PPP2R3A: variants seen among roughly 807,000 people sequenced by gnomAD.
PPP2R3A encodes the protein protein phosphatase 2 regulatory subunit B''alpha.
Under a neutral mutation model 106.9 loss-of-function variants are expected in PPP2R3A, and 80 were observed. The observed-to-expected ratio is 0.75, with a 90% CI of 0.62 to 0.90. The LOEUF is 0.90. Among genes scored for constraint, PPP2R3A ranks in the 40% least tolerant of loss-of-function variants. PPP2R3A has a pLI of 0.00. For missense variants in PPP2R3A, 1,386 were observed against 1,350.4 expected (o/e 1.03, Z -0.41); for synonymous variants, 483 against 468.3 (o/e 1.03, Z -0.41).
Position 136,049,298 on chromosome 3 carries a change from CT to C in PPP2R3A, c.2407del (p.Cys803ValfsTer3). The C allele has an allele frequency of 6.2e-7, 1 of 1,613,790 alleles. No homozygotes were observed. Among genetic ancestry groups the C allele is most frequent in the East Asian group, 2.2e-5 (1 of 44,860 alleles). ...ATCATGATGATGCCTCTAAATTCATCTGTCTTCTAGCAAAGCCCAACTGCAG... is the reference window on the plus strand; with the variant it reads ...ATCATGATGATGCCTCTAAATTCATCGTCTTCTAGCAAAGCCCAACTGCAG... ...NHHDDASKFI[C>X]LLAKPNCSSL... On this transcript the variant is annotated frameshift_variant, in exon 5 of 14. Transcript: ENST00000264977. LOFTEE classifies it high-confidence loss of function.
At chr3:136,080,604 CAAAGT>C (rs1449581037) in intron 7 of PPP2R3A, among the ~76,000 whole-genome samples, 4 of 152,138 alleles carry the variant, frequency 2.6e-5, no homozygotes, top group African/African-American at 7.2e-5. Context: ...TTTTATAAAA[CAAAGT>C]AATATGAGCA....
intron 13 of PPP2R3A, among the ~76,000 whole-genome samples, chr3:136,135,943 C>T (rs760176585): frequency 1.4e-5 from 2 of 144,176 alleles, no homozygotes; most frequent in Middle Eastern, 3.6e-3. Context: ...GAGGCTGGGG[C>T]GGGAGGATCA....
chr3:136,068,686 A>G (rs1936335544), intron 5 of PPP2R3A, among the ~76,000 whole-genome samples: 1 of 152,202 alleles, frequency 6.6e-6, no homozygotes, highest in African/African-American at 2.4e-5. Context: ...GAATGAGAGA[A>G]CTTTTGAGGA....
intron 13 of PPP2R3A, among the ~76,000 whole-genome samples, chr3:136,140,442 T>TAAAAAAAAAAAAAAA (rs199699500): frequency 4.1e-4 from 36 of 87,232 alleles, no homozygotes; most frequent in African/African-American, 1.7e-3. Flanking sequence ...TGAGACTCTT[T>TAAAAAAAAAAAAAAA]AAAAAAAAAA....
intron 13 of PPP2R3A, among the ~76,000 whole-genome samples, chr3:136,133,700 C>T (rs2108021238): frequency 6.6e-6 from 1 of 151,952 alleles, no homozygotes; most frequent in South Asian, 2.1e-4. Context: ...ATCCACATGT[C>T]CATCAAACTG....
At chr3:136,020,883 AG>A (rs1266105627) in intron 2 of PPP2R3A, among the ~76,000 whole-genome samples, 1 of 152,114 alleles carries the variant, frequency 6.6e-6, no homozygotes, top group Non-Finnish European at 1.5e-5. Flanking sequence ...GACGTTACAT[AG>A]TATTTCACTA....
chr3:136,008,733 T>A (rs1324183538), intron 2 of PPP2R3A, among the ~76,000 whole-genome samples: 1 of 152,126 alleles, frequency 6.6e-6, no homozygotes, highest in African/African-American at 2.4e-5. Flanking sequence ...AAAGTGAATC[T>A]CATATCCAGG....
At chr3:135,993,265 C>G (rs1294872494) in intron 1 of PPP2R3A, among the ~76,000 whole-genome samples, 4 of 152,016 alleles carry the variant, frequency 2.6e-5, no homozygotes, top group Non-Finnish European at 4.4e-5. Flanking sequence ...ATAGACACTT[C>G]ACAAAAGAAG....
intron 13 of PPP2R3A, among the ~76,000 whole-genome samples, chr3:136,143,787 T>C (rs1451019342): frequency 1.3e-5 from 2 of 152,136 alleles, no homozygotes; most frequent in Admixed American, 6.5e-5. Flanking sequence ...CGAGACTCCA[T>C]CTCAAAAGAA....
chr3:135,995,937 T>G (rs1933379539), intron 1 of PPP2R3A, among the ~76,000 whole-genome samples: 1 of 152,208 alleles, frequency 6.6e-6, no homozygotes, highest in East Asian at 1.9e-4. Flanking sequence ...TTCTCTGCCA[T>G]CCAGAGTGTT....
At chr3:136,137,513 A>G (rs1321722484) in intron 13 of PPP2R3A, among the ~76,000 whole-genome samples, 1 of 115,890 alleles carries the variant, frequency 8.6e-6, no homozygotes, top group Non-Finnish European at 1.9e-5. Context: ...TATTAAAAAT[A>G]TATGAATTAC....
At chr3:136,132,071 A>C (rs1199882627) in intron 13 of PPP2R3A, among the ~76,000 whole-genome samples, 1 of 152,040 alleles carries the variant, frequency 6.6e-6, no homozygotes, top group Non-Finnish European at 1.5e-5. Flanking sequence ...GTAAATGATG[A>C]GTTGATGGCT....
intron 13 of PPP2R3A, 125 bp from the exon 14 acceptor site, chr3:136,144,918 C>T (rs568605799): frequency 2.1e-5 from 21 of 1,012,934 alleles, no homozygotes; most frequent in Middle Eastern, 3.3e-4. Flanking sequence ...GAGTTGCTCA[C>T]GGCCTCCATT....
At chr3:136,110,568 G>T (rs369384500) in intron 13 of PPP2R3A, among the ~76,000 whole-genome samples, 18 of 152,282 alleles carry the variant, frequency 1.2e-4, no homozygotes, top group African/African-American at 4.3e-4. Context: ...CACAGGAGAA[G>T]GAATCAGCAA....
chr3:136,054,926 CT>C (rs1935811970), intron 5 of PPP2R3A, among the ~76,000 whole-genome samples: 1 of 151,962 alleles, frequency 6.6e-6, no homozygotes, highest in Non-Finnish European at 1.5e-5. Flanking sequence ...ATATAGATAT[CT>C]CATTTGAGTT....
At chr3:136,054,048 G>A (rs188738490) in intron 5 of PPP2R3A, among the ~76,000 whole-genome samples, 4 of 152,052 alleles carry the variant, frequency 2.6e-5, no homozygotes, top group Admixed American at 6.6e-5. Context: ...TTTTTTTGGG[G>A]GGGAAATAAA....
chr3:136,041,238 GTTTTTTTTTT>G (rs67116006), intron 4 of PPP2R3A, among the ~76,000 whole-genome samples: 2 of 92,936 alleles, frequency 2.2e-5, no homozygotes, highest in Non-Finnish European at 4.2e-5. Context: ...GGTTTTTCTT[GTTTTTTTTTT>G]TGTTTTTTTT....
intron 3 of PPP2R3A, among the ~76,000 whole-genome samples, chr3:136,033,128 G>C (rs561582474): frequency 1.3e-5 from 2 of 152,318 alleles, no homozygotes; most frequent in East Asian, 3.9e-4. Flanking sequence ...CATTTATTGA[G>C]ATGATCATGT....
At chr3:136,088,461 T>G (rs1001470969) in intron 9 of PPP2R3A, among the ~76,000 whole-genome samples, 1 of 152,220 alleles carries the variant, frequency 6.6e-6, no homozygotes, top group Admixed American at 6.5e-5. Flanking sequence ...TATTCAATGG[T>G]ATATATGTAC....
Sources: gnomAD v4.1 joint callset for allele counts (sites outside exome capture counted in the v4.1 genomes callset) on GRCh38, gnomAD v4.1.1 for gene constraint, MANE v1.5 for transcripts, NCBI Gene and HGNC (gene_info 2026-07-23, HGNC 2026-07-21) for gene names.